Variants in ADNP observed in about 807,000 individuals in gnomAD.
The protein encoded by ADNP is activity-dependent neuroprotector homeobox protein.
Under a neutral mutation model 84.9 loss-of-function variants are expected in ADNP, and 4 were observed. The ratio of observed to expected loss-of-function variants is 0.05; its 90% CI spans 0.02 to 0.11. The LOEUF (loss-of-function observed/expected upper bound fraction) is 0.11, where lower values mean the gene tolerates loss of function less well. ADNP is among the 10% of genes least tolerant of loss of function. ADNP has a pLI of 1.00. For synonymous variants in ADNP, 554 were observed against 468.1 expected, an observed-to-expected ratio of 1.18 and a Z score of -2.37; for missense variants, 1,132 against 1,326.0, an observed-to-expected ratio of 0.85 and a Z score of 2.27.
chr20:50,903,811 A>G, intron 4 of ADNP, 78 bp downstream of exon 4: 2 of 1,027,640 alleles, frequency 1.9e-6, no homozygotes, highest in Middle Eastern at 4.3e-4. Context: ...TCTAAGATTT[A>G]GCCATCTTGG....
rs186028857 is a variant in ADNP, at chr20:50,889,892, T to G, written c.*1513A>C. ...TAGCAAGAGGGCCAAGAGTGGCAAA[T>G]AGAGGCAGAGCCGCCTGCACTACAG... On this transcript the variant is annotated 3_prime_UTR_variant, in exon 6 of 6. Coordinates refer to ENST00000621696, the MANE Select transcript of ADNP (RefSeq NM_001282531.3). 5.8e-5 allele frequency: 23 copies of G among 398,286 alleles called. No individual in the cohort carries two copies. Among genetic ancestry groups the G allele is most frequent in the Admixed American group, 3.1e-4 (7 of 22,686 alleles). The allele number at this position is 398,286 out of a possible 1,614,324, so 24.7% of individuals were successfully genotyped here.
Position 50,889,085 on chromosome 20 carries a change from A to G in ADNP, c.*2320T>C, listed in dbSNP as rs368725849. 2.5e-4 allele frequency: 38 copies of G among 152,312 alleles called. No individual in the cohort carries two copies. The highest frequency in any genetic ancestry group is 8.9e-4 in the African/African-American group (37 of 41,580). The allele number at this position is 152,312 out of a possible 1,614,324, so 9.4% of individuals were successfully genotyped here. On this transcript the variant is annotated 3_prime_UTR_variant, in exon 6 of 6. Coordinates refer to ENST00000621696, the MANE Select transcript of ADNP (RefSeq NM_001282531.3). ...GGCTTTTATTGAGACACTTGTAGGG[A>G]TTCTGCAACATTTCCAGTTGGGAAT...
Position 50,893,617 on chromosome 20 carries a change from A to G in ADNP, c.1097T>C (p.Val366Ala). ...PVSIPQQSQS[V>A]KQLLPSGNGR... is the part of the protein sequence containing the mutation. The stretch of plus-strand genomic sequence containing the variant: ...GTTTCCACTTGGAAGTAACTGCTTT[A>G]CAGACTGAGATTGTTGAGGAATGGA... Residue 366 changes from valine (V) to alanine (A), a missense_variant, in exon 6 of 6, where the codon GTA becomes GCA. Val to Ala is a moderately conservative substitution (Grantham distance 64). This residue lies in a region of ADNP where 239 missense variants were observed against 213.2 expected (regional missense o/e 1.12). Coordinates refer to ENST00000621696, the MANE Select transcript of ADNP (RefSeq NM_001282531.3). This position sits in a 1 kb window ranked among gnomAD's most constrained non-coding sequence, Gnocchi z 4.4. The G allele has an allele frequency of 6.2e-7, 1 of 1,614,164 alleles. No homozygotes were observed. The highest frequency in any genetic ancestry group is 8.5e-7 in the Non-Finnish European group (1 of 1,180,034).
In ADNP at chr20:50,909,070, T is replaced by TA. The variant is rs745349074; in HGVS notation, c.-89-4222dup. Among the ~76,000 whole-genome samples, 358 of 138,778 alleles carry TA rather than the reference T, an allele frequency of 2.6e-3. 2 individuals are homozygous for TA. Among genetic ancestry groups the TA allele is most frequent in the East Asian group, 0.014 (65 of 4,790 alleles). 91.0% of individuals were successfully genotyped at this position (138,778 alleles called of 152,430 possible). A position where few individuals can be genotyped will look rare whatever the true frequency, so the allele number is the denominator to read the frequency against. Reference sequence around the variant, plus strand: ...TCTTTTGCCTCATTAGGATGGCCATTAAAAAAAAAAAAAAAATTTGCCAGC... The same window carrying TA: ...TCTTTTGCCTCATTAGGATGGCCATTAAAAAAAAAAAAAAAAATTTGCCAGC... On this transcript the variant is annotated intron_variant, in intron 2 of 5. Transcript: ENST00000621696.
At chr20:50,908,782 GA>G (rs892325248) in intron 2 of ADNP, among the ~76,000 whole-genome samples, 37 of 148,966 alleles carry the variant, frequency 2.5e-4, no homozygotes, top group African/African-American at 4.7e-4. Flanking sequence ...TGCAAAAAAA[GA>G]AAAAAAAAGT....
intron 2 of ADNP, among the ~76,000 whole-genome samples, chr20:50,916,570 T>C (rs1230258105): frequency 6.6e-6 from 1 of 152,218 alleles, no homozygotes; most frequent in East Asian, 1.9e-4. Context: ...CTGGATAAAC[T>C]GTTATTCGGA....
intron 2 of ADNP, among the ~76,000 whole-genome samples, chr20:50,914,794 A>T (rs945679649): frequency 6.6e-6 from 1 of 152,222 alleles, no homozygotes; most frequent in Non-Finnish European, 1.5e-5. Context: ...TCCTCCATAC[A>T]GTTAAACATC....
intron 2 of ADNP, chr20:50,905,398 C>T (rs1202835119): frequency 6.6e-6 from 1 of 152,124 alleles, no homozygotes; most frequent in Non-Finnish European, 1.5e-5. Flanking sequence ...AAGGCTGTTA[C>T]TCTGTAATAC....
chr20:50,911,447 A>G (rs1172133997), intron 2 of ADNP, among the ~76,000 whole-genome samples: 1 of 152,098 alleles, frequency 6.6e-6, no homozygotes, highest in Non-Finnish European at 1.5e-5. Context: ...CACTAACTGA[A>G]AAAGATGTCC....
intron 5 of ADNP, among the ~76,000 whole-genome samples, chr20:50,897,236 C>T (rs1182394805): frequency 1.3e-5 from 2 of 152,226 alleles, no homozygotes; most frequent in East Asian, 1.9e-4. Flanking sequence ...CCACCAAGCC[C>T]GGCCACGTGT....
At chr20:50,894,767 G>A (rs1253836486) in intron 5 of ADNP, among the ~76,000 whole-genome samples, 5 of 152,016 alleles carry the variant, frequency 3.3e-5, no homozygotes, top group Non-Finnish European at 7.4e-5. Flanking sequence ...CGTGGTGGTG[G>A]GCGCCTGTAA....
intron 1 of ADNP, among the ~76,000 whole-genome samples, chr20:50,929,664 A>G (rs1244273806): frequency 6.6e-6 from 1 of 151,696 alleles, no homozygotes; most frequent in Non-Finnish European, 1.5e-5. Flanking sequence ...ATGGCCATAA[A>G]CCAGAAGCAA....
chr20:50,920,724 TAA>T (rs1983904825), intron 2 of ADNP, among the ~76,000 whole-genome samples: 1 of 152,018 alleles, frequency 6.6e-6, no homozygotes, highest in Non-Finnish European at 1.5e-5. Context: ...GATACTGGGG[TAA>T]GAGTAAAACG....
At chr20:50,898,564 G>A (rs1981645915) in intron 5 of ADNP, among the ~76,000 whole-genome samples, 1 of 152,176 alleles carries the variant, frequency 6.6e-6, no homozygotes, top group Non-Finnish European at 1.5e-5. Flanking sequence ...TCATAGCTAT[G>A]GTAAAATGGG....
intron 4 of ADNP, among the ~76,000 whole-genome samples, chr20:50,902,361 T>A (rs918222002): frequency 6.6e-6 from 1 of 152,156 alleles, no homozygotes; most frequent in Non-Finnish European, 1.5e-5. Flanking sequence ...GAAGTTCTAA[T>A]TAAGTAAAAA....
chr20:50,894,115 G>A lies in ADNP; in HGVS notation c.599C>T (p.Ala200Val), dbSNP rs762206459. The A allele has an allele frequency of 4.3e-6, 7 of 1,614,114 alleles. No homozygotes were observed. The highest frequency in any genetic ancestry group is 5.9e-6 in the Non-Finnish European group (7 of 1,180,006). Residue 200 changes from alanine (A) to valine (V), a missense_variant, in exon 6 of 6, where the codon GCA (alanine) becomes GTA (valine). Ala to Val is a moderately conservative substitution (Grantham distance 64). This residue lies in a region of ADNP where 130 missense variants were observed against 183.7 expected (regional missense o/e 0.71). Coordinates refer to ENST00000621696, the MANE Select transcript of ADNP (RefSeq NM_001282531.3). The part of the protein sequence containing the change: ...QHVAAPYIAK[A>V]GEKSLNGAVP... Reference sequence around the variant, plus strand: ...TGCCCCATTGAGTGATTTTTCTCCTGCCTTTGCTATGTAAGGTGCTGCCAC... The same window carrying A: ...TGCCCCATTGAGTGATTTTTCTCCTACCTTTGCTATGTAAGGTGCTGCCAC...
At chr20:50,908,472 A>G (rs1342621919) in intron 2 of ADNP, among the ~76,000 whole-genome samples, 1 of 152,200 alleles carries the variant, frequency 6.6e-6, no homozygotes, top group East Asian at 1.9e-4. Flanking sequence ...AGCTGGCTCC[A>G]GGGTTCATTA....
Position 50,891,509 on chromosome 20 carries a change from T to C in ADNP, c.3205A>G (p.Ile1069Val), listed in dbSNP as rs1355291048. The change falls in exon 6 of 6, where the codon ATT (isoleucine) becomes GTT (valine). Residue 1069 changes from isoleucine to valine, a missense_variant. Around this residue, in one of 10 missense-constraint regions of ADNP, gnomAD observed 381 missense variants for 319.9 expected, o/e 1.19. Coordinates refer to ENST00000621696, the MANE Select transcript of ADNP (RefSeq NM_001282531.3). ...NPQIEWQNSTIDSEDGEQFDN... is the reference protein window; with the variant it reads ...NPQIEWQNSTVDSEDGEQFDN... Reference sequence around the variant, plus strand: ...AACTGTTCCCCATCCTCACTGTCAATTGTGCTATTCTGCCACTCAATCTGG... The same window carrying C: ...AACTGTTCCCCATCCTCACTGTCAACTGTGCTATTCTGCCACTCAATCTGG... 25 of 1,612,274 alleles carry C rather than the reference T, an allele frequency of 1.6e-5. No homozygotes were observed. Among genetic ancestry groups the C allele is most frequent in the Non-Finnish European group, 2.1e-5 (25 of 1,180,024 alleles).
Position 50,891,551 on chromosome 20 carries a change from C to G in ADNP, c.3163G>C (p.Glu1055Gln). The change falls in exon 6 of 6, where the codon GAG becomes CAG. Residue 1055 changes from glutamate (E) to glutamine (Q), a missense_variant. Around this residue, in one of 10 missense-constraint regions of ADNP, gnomAD observed 381 missense variants for 319.9 expected, o/e 1.19. Coordinates refer to ENST00000621696, the MANE Select transcript of ADNP (RefSeq NM_001282531.3). ...TCAATCTGGGGGTTAGATAAGCGCT[C>G]ATCATTCTCAGATGCATTCTTCCAC... is the stretch of plus-strand genomic sequence containing the variant. ...SQWKNASEND[E>Q]RLSNPQIEWQ... 6.2e-7 allele frequency: 1 copy of G among 1,612,196 alleles called. No homozygotes were observed.
Sources: gnomAD v4.1 joint callset for allele counts (sites outside exome capture counted in the v4.1 genomes callset) on GRCh38, gnomAD v4.1.1 for gene constraint, gnomAD v4.1.1 regional missense constraint, Gnocchi (gnomAD v3.1) non-coding constraint, MANE v1.5 for transcripts, NCBI Gene and HGNC (gene_info 2026-07-23, HGNC 2026-07-21) for gene names.